Variants in SNW1 observed in about 807,000 individuals in gnomAD.
SNW1 encodes the protein SNW domain containing 1, also known as SNW domain-containing protein 1.
In SNW1, 9 loss-of-function variants were observed where a neutral mutation model predicts 75.6. The observed-to-expected ratio is 0.12, with a 90% confidence interval of 0.07 to 0.21. The LOEUF (loss-of-function observed/expected upper bound fraction) is 0.21, where lower values mean the gene tolerates loss of function less well. Among genes scored for constraint, SNW1 ranks in the 10% least tolerant of loss-of-function variants. The probability of loss-of-function intolerance (pLI) is 1.00; values close to 1 mark genes in which losing one functional copy is unlikely to be tolerated. For synonymous variants in SNW1, 200 were observed against 219.1 expected (o/e 0.91, Z 0.77); for missense variants, 409 against 670.9 (o/e 0.61, Z 4.31).
chr14:77,750,267 A>G (rs1433862055), intron 3 of SNW1, among the ~76,000 whole-genome samples: 2 of 152,228 alleles, frequency 1.3e-5, no homozygotes, highest in African/African-American at 4.8e-5. Context: ...TTTCGTGCAA[A>G]AACAAAAGTA....
At chr14:77,723,721 C>T (rs1470313065) in intron 10 of SNW1, among the ~76,000 whole-genome samples, 7 of 152,156 alleles carry the variant, frequency 4.6e-5, no homozygotes, top group African/African-American at 1.7e-4. Context: ...GTGGCGCGAT[C>T]TCAGCTCACC....
intron 3 of SNW1, among the ~76,000 whole-genome samples, chr14:77,742,469 G>C (rs1277599870): frequency 6.6e-6 from 1 of 152,118 alleles, no homozygotes; most frequent in Admixed American, 6.5e-5. Flanking sequence ...AATAAGCTTT[G>C]TCAACAAGAT....
At chr14:77,735,798 T>C (rs1252085228) in intron 7 of SNW1, 139 bp downstream of exon 7, 8 of 611,052 alleles carry the variant, frequency 1.3e-5, no homozygotes, top group East Asian at 2.8e-5. Context: ...ATAAGCATTC[T>C]TGAAACTTCA....
At chr14:77,731,736 A>G (rs2080628873) in intron 9 of SNW1, among the ~76,000 whole-genome samples, 1 of 152,124 alleles carries the variant, frequency 6.6e-6, no homozygotes, top group Admixed American at 6.6e-5. Context: ...CATAATATTT[A>G]TATTTACATA....
intron 10 of SNW1, among the ~76,000 whole-genome samples, chr14:77,726,585 T>C (rs176973): frequency 0.82 from 124,848 of 152,118 alleles, 51,362 homozygotes; most frequent in Middle Eastern, 0.86. Context: ...TTTGGGAGGC[T>C]GAGGCAGGCA....
intron 3 of SNW1, among the ~76,000 whole-genome samples, chr14:77,751,108 G>A (rs1379694942): frequency 2.0e-5 from 3 of 152,154 alleles, no homozygotes; most frequent in Non-Finnish European, 2.9e-5. Context: ...ACCCAAGCAA[G>A]AGTGCAGTGG....
intron 10 of SNW1, 103 bp from the exon 11 acceptor site, chr14:77,723,380 C>CAG: frequency 2.4e-6 from 2 of 826,914 alleles, no homozygotes; most frequent in East Asian, 2.6e-5. Context: ...GACAGCATCT[C>CAG]ACTCTGTCAC....
chr14:77,724,148 G>T (rs1343654238), intron 10 of SNW1, among the ~76,000 whole-genome samples: 3 of 152,086 alleles, frequency 2.0e-5, no homozygotes, highest in African/African-American at 4.8e-5. Context: ...AGAAAGATGG[G>T]CAAATATGTG....
rs374647742 is a variant in SNW1 at position 77,743,836 on chromosome 14, A to G, written c.331-4775T>C. On this transcript the variant is annotated intron_variant, in intron 3 of 13. Coordinates refer to ENST00000261531, the MANE Select transcript of SNW1 (RefSeq NM_012245.3). ...ATGCTGAAGATGGTCCTAAACAATCAAAGTGCTCCCCCAGTGCCAATGGCA... is the reference window on the plus strand; with the variant it reads ...ATGCTGAAGATGGTCCTAAACAATCGAAGTGCTCCCCCAGTGCCAATGGCA... 5.9e-5 allele frequency among the ~76,000 whole-genome samples: 9 copies of G among 152,312 alleles called. No homozygotes were observed. In the East Asian group the frequency reaches 1.5e-3, roughly 26 times the overall value.
chr14:77,722,909 A>C (rs978470097), intron 11 of SNW1: 2 of 399,220 alleles, frequency 5.0e-6, no homozygotes, highest in Non-Finnish European at 9.2e-6. Context: ...CAGTGGCGTG[A>C]TCTCGGCTCA....
Position 77,718,074 on chromosome 14 carries a change from G to T in SNW1, c.*14C>A, listed in dbSNP as rs1428257624. 4 of 1,547,248 alleles carry T rather than the reference G, an allele frequency of 2.6e-6. No individual in the cohort carries two copies. Among genetic ancestry groups the T allele is most frequent in the Non-Finnish European group, 3.5e-6 (4 of 1,147,916 alleles). On this transcript the variant is annotated 3_prime_UTR_variant, in exon 14 of 14. Transcript: ENST00000261531. ...TTATGGGTAAGAGTTCATTCACTTT[G>T]GAGAGACCTGTGCCTATTCCTTCCT... is the stretch of plus-strand genomic sequence containing the variant.
Position 77,720,931 on chromosome 14 carries a change from T to C in SNW1, c.1131-103A>G, listed in dbSNP as rs753624574. On this transcript the variant is annotated intron_variant, in intron 11 of 13. Coordinates refer to ENST00000261531, the MANE Select transcript of SNW1 (RefSeq NM_012245.3). ...CTCAGAAACAAAGGATGTGAATATG[T>C]CACATTCACATCTTGTGAACATATA... is the stretch of plus-strand genomic sequence containing the variant. 48 of 741,306 alleles carry C rather than the reference T, an allele frequency of 6.5e-5. No individual in the cohort carries two copies. The Middle Eastern group carries it at 1.0e-3, about 15-fold the overall frequency. The allele number at this position is 741,306 out of a possible 1,614,324, so 45.9% of individuals were successfully genotyped here.
intron 1 of SNW1, among the ~76,000 whole-genome samples, chr14:77,758,245 G>A (rs2080857850): frequency 6.8e-6 from 1 of 146,678 alleles, no homozygotes. Context: ...TTGAACCTGG[G>A]AGGTGGAGTT....
At chr14:77,732,039 T>C (rs1355875636) in intron 9 of SNW1, among the ~76,000 whole-genome samples, 1 of 152,186 alleles carries the variant, frequency 6.6e-6, no homozygotes. Context: ...CCCAGCCTAA[T>C]TCCATAATAT....
Position 77,718,246 on chromosome 14 carries a change from G to C in SNW1, c.1453C>G (p.Gln485Glu). ...TGCACTGGTCCTTCTCGGCCTCTCT[G>C]TCTACGGTCTGAACCAGAAAACTCC... ...DKEFSGSDRR[Q>E]RGREGPVQFE... Residue 485 changes from glutamine (Q) to glutamate (E), a missense_variant, in exon 14 of 14, where the codon CAG (glutamine) becomes GAG (glutamate). This residue lies in a region of SNW1 where 126 missense variants were observed against 167.6 expected (regional missense o/e 0.75). Coordinates refer to ENST00000261531, the MANE Select transcript of SNW1 (RefSeq NM_012245.3). The C allele has an allele frequency of 6.2e-7, 1 of 1,613,584 alleles. No homozygotes were observed. The highest frequency in any genetic ancestry group is 8.5e-7 in the Non-Finnish European group (1 of 1,179,726).
At chr14:77,741,276 G>A (rs2080717059) in intron 3 of SNW1, among the ~76,000 whole-genome samples, 1 of 152,102 alleles carries the variant, frequency 6.6e-6, no homozygotes, top group South Asian at 2.1e-4. Context: ...CATTTTGGAA[G>A]GCCAAGGTTG....
intron 3 of SNW1, among the ~76,000 whole-genome samples, chr14:77,749,419 T>C (rs796725750): frequency 1.3e-5 from 2 of 151,986 alleles, no homozygotes; most frequent in African/African-American, 2.4e-5. Context: ...TGAAGAAAAT[T>C]AGGTGGTAGC....
At chr14:77,730,671 A>G (rs538089162) in intron 10 of SNW1, among the ~76,000 whole-genome samples, 1 of 152,170 alleles carries the variant, frequency 6.6e-6, no homozygotes, top group Non-Finnish European at 1.5e-5. Context: ...TTAGATACCT[A>G]ATTTCTCTTA....
chr14:77,733,417 C>A (rs1227317471), intron 8 of SNW1, among the ~76,000 whole-genome samples: 1 of 152,028 alleles, frequency 6.6e-6, no homozygotes, highest in African/African-American at 2.4e-5. Flanking sequence ...TCTTAATGAT[C>A]TGTTATATTC....
Sources: gnomAD v4.1 joint callset for allele counts (sites outside exome capture counted in the v4.1 genomes callset) on GRCh38, gnomAD v4.1.1 for gene constraint, gnomAD v4.1.1 regional missense constraint, MANE v1.5 for transcripts, NCBI Gene and HGNC (gene_info 2026-07-23, HGNC 2026-07-21) for gene names.